HPSE2: variants seen among roughly 807,000 people sequenced by gnomAD.
HPSE2 encodes inactive heparanase-2.
In HPSE2, 38 loss-of-function variants were observed where a neutral mutation model predicts 60.5. That is an observed-to-expected ratio of 0.63 (90% CI 0.48 to 0.82). HPSE2 has a LOEUF of 0.82. HPSE2 is among the 40% of genes least tolerant of loss of function. The probability of loss-of-function intolerance (pLI) is 0.00; values close to 1 mark genes in which losing one functional copy is unlikely to be tolerated. For synonymous variants in HPSE2, 295 were observed against 293.2 expected, an observed-to-expected ratio of 1.01 and a Z score of -0.06; for missense variants, 713 against 740.4, an observed-to-expected ratio of 0.96 and a Z score of 0.43.
chr10:99,120,124 C>T (rs1466397616), intron 3 of HPSE2, among the ~76,000 whole-genome samples: 1 of 152,040 alleles, frequency 6.6e-6, no homozygotes, highest in South Asian at 2.1e-4. Context: ...AGCTTTTGCA[C>T]CACAGAAGAA....
rs776146599 is a variant in HPSE2, at chr10:98,693,964, G to C, written c.957-17C>G. 44 of 1,564,946 alleles carry C rather than the reference G, an allele frequency of 2.8e-5. No homozygotes were observed. The highest frequency in any genetic ancestry group is 3.7e-5 in the Non-Finnish European group (42 of 1,144,818). On this transcript the variant is annotated splice_polypyrimidine_tract_variant and intron_variant, in intron 5 of 11. Coordinates refer to ENST00000370552, the MANE Select transcript of HPSE2 (RefSeq NM_021828.5). ...TTCATGAATCTGTAAGGAATAGAAA[G>C]AAAAAAGATATTACAACTTAGATTA...
At chr10:99,106,699 A>G (rs1230521972) in intron 3 of HPSE2, among the ~76,000 whole-genome samples, 1 of 152,114 alleles carries the variant, frequency 6.6e-6, no homozygotes, top group African/African-American at 2.4e-5. Flanking sequence ...CTAAACCTAA[A>G]CATACAAACT....
chr10:98,600,811 C>CGT (rs59518820), intron 9 of HPSE2, among the ~76,000 whole-genome samples: 1 of 50,574 alleles, frequency 2.0e-5, no homozygotes, highest in Non-Finnish European at 7.2e-5. Context: ...CACGTGTGTG[C>CGT]GTGTGTGTGT....
upstream of HPSE2, among the ~76,000 whole-genome samples, chr10:99,239,554 C>G (rs1411863973): frequency 6.6e-6 from 1 of 151,342 alleles, no homozygotes; most frequent in Non-Finnish European, 1.5e-5. Context: ...CTCAGCCTCC[C>G]AAGTAGCTGG....
intron 3 of HPSE2, among the ~76,000 whole-genome samples, chr10:99,124,116 G>T (rs758395986): frequency 6.6e-6 from 1 of 152,178 alleles, no homozygotes; most frequent in Admixed American, 6.5e-5. Context: ...ACTGAGGCAG[G>T]TTGTCCCATT....
intron 9 of HPSE2, among the ~76,000 whole-genome samples, chr10:98,571,176 C>T (rs1944483024): frequency 6.6e-6 from 1 of 152,032 alleles, no homozygotes; most frequent in African/African-American, 2.4e-5. Context: ...AGTGCTTGGC[C>T]CATTTGCTGC....
intron 3 of HPSE2, among the ~76,000 whole-genome samples, chr10:99,056,031 T>C (rs1244376851): frequency 6.6e-6 from 1 of 152,048 alleles, no homozygotes; most frequent in Non-Finnish European, 1.5e-5. Flanking sequence ...GTTTTTCTTT[T>C]AAAGAATTAA....
chr10:99,184,819 T>TATATATATATATATAGAG (rs1554912295), intron 2 of HPSE2, among the ~76,000 whole-genome samples: 2 of 19,866 alleles, frequency 1.0e-4, no homozygotes, highest in African/African-American at 1.7e-4. Flanking sequence ...TATATATATA[T>TATATATATATATATAGAG]AGAGAGAGAG....
At chr10:99,265,749 A>G in the HPSE2 span, among the ~76,000 whole-genome samples, 1 of 152,210 alleles carries the variant, frequency 6.6e-6, no homozygotes, top group Non-Finnish European at 1.5e-5. Flanking sequence ...GAGAGTCCAC[A>G]GACCCTTTGA....
chr10:99,278,661 C>T, the HPSE2 span, among the ~76,000 whole-genome samples: 1 of 152,164 alleles, frequency 6.6e-6, no homozygotes, highest in Non-Finnish European at 1.5e-5. Context: ...AGGCAACTAG[C>T]ATTCATGGCC....
chr10:98,848,907 T>A lies in HPSE2; in HGVS notation c.611-104851A>T, dbSNP rs1180467091. Among the ~76,000 whole-genome samples the A allele has an allele frequency of 4.6e-5, 7 of 152,262 alleles. No individual in the cohort carries two copies. The East Asian group carries it at 1.2e-3, about 25-fold the overall frequency. On this transcript the variant is annotated intron_variant, in intron 3 of 11. Transcript: ENST00000370552. Reference sequence around the variant, plus strand: ...TTTCTTTACTCTTCCCACTTTTTCATCTCATAAGACATTGTTGAGGGCCAG... The same window carrying A: ...TTTCTTTACTCTTCCCACTTTTTCAACTCATAAGACATTGTTGAGGGCCAG...
At chr10:99,093,403 G>A (rs957855102) in intron 3 of HPSE2, among the ~76,000 whole-genome samples, 8 of 151,886 alleles carry the variant, frequency 5.3e-5, no homozygotes, top group African/African-American at 9.7e-5. Context: ...TTACATTCAC[G>A]TGGTTTACGC....
At chr10:99,139,122 A>T (rs1294459126) in intron 3 of HPSE2, among the ~76,000 whole-genome samples, 1 of 152,166 alleles carries the variant, frequency 6.6e-6, no homozygotes, top group African/African-American at 2.4e-5. Context: ...GAATAAAATG[A>T]TGTCTTTTTC....
intron 2 of HPSE2, among the ~76,000 whole-genome samples, chr10:99,201,673 A>G (rs561738554): frequency 1.3e-5 from 2 of 152,316 alleles, no homozygotes; most frequent in South Asian, 4.1e-4. Context: ...TCCATTTCCA[A>G]ACATTAGGCA....
intron 4 of HPSE2, among the ~76,000 whole-genome samples, chr10:98,722,309 C>T (rs1343932426): frequency 6.6e-6 from 1 of 150,610 alleles, no homozygotes; most frequent in Non-Finnish European, 1.5e-5. Context: ...AGAAGAATGC[C>T]ACGTGACAAC....
chr10:99,134,251 T>C (rs1298050669), intron 3 of HPSE2, among the ~76,000 whole-genome samples: 1 of 152,188 alleles, frequency 6.6e-6, no homozygotes, highest in Non-Finnish European at 1.5e-5. Context: ...CTAATTGGTG[T>C]ACCTGAAAGC....
At chr10:98,943,826 C>T (rs1048780935) in intron 3 of HPSE2, among the ~76,000 whole-genome samples, 9 of 152,096 alleles carry the variant, frequency 5.9e-5, no homozygotes, top group Admixed American at 2.0e-4. Context: ...ATTGAGCCTT[C>T]GGATTAGACT....
At chr10:98,686,404 GTTAT>G (rs1947916833) in intron 6 of HPSE2, among the ~76,000 whole-genome samples, 1 of 151,898 alleles carries the variant, frequency 6.6e-6, no homozygotes, top group South Asian at 2.1e-4. Flanking sequence ...TGATTCATAG[GTTAT>G]TTATTTATTT....
intron 2 of HPSE2, among the ~76,000 whole-genome samples, chr10:99,154,109 A>C (rs1266370762): frequency 6.7e-6 from 1 of 148,312 alleles, no homozygotes; most frequent in Admixed American, 6.7e-5. Context: ...ATGTGAAAAG[A>C]CCAAATCTAC....
Sources: allele counts gnomAD v4.1 joint callset (sites outside exome capture counted in the v4.1 genomes callset), GRCh38; gene constraint gnomAD v4.1.1; transcripts MANE v1.5; gene names NCBI Gene and HGNC (gene_info 2026-07-23, HGNC 2026-07-21).